WWOX: variants seen among roughly 807,000 people sequenced by gnomAD.
The protein encoded by WWOX is WW domain containing oxidoreductase, also known as WW domain-containing oxidoreductase.
Under a neutral mutation model 46.2 loss-of-function variants are expected in WWOX, and 69 were observed. The ratio of observed to expected loss-of-function variants is 1.49; its 90% CI spans 1.23 to 1.82. The LOEUF (loss-of-function observed/expected upper bound fraction) is 1.82. Ranked by LOEUF, WWOX falls within the 40% of genes most tolerant of loss-of-function variation. WWOX has a pLI of 0.00. For missense variants in WWOX, 919 were observed against 542.6 expected (o/e 1.69, Z -6.89); for synonymous variants, 359 against 202.6 (o/e 1.77, Z -6.56).
intron 8 of WWOX, among the ~76,000 whole-genome samples, chr16:78,613,782 C>G (rs549255050): frequency 3.5e-4 from 53 of 152,268 alleles, no homozygotes; most frequent in African/African-American, 1.3e-3. Flanking sequence ...TTATCAGAAA[C>G]TTTGGGGGCC....
intron 5 of WWOX, among the ~76,000 whole-genome samples, chr16:78,206,469 C>G (rs1346028111): frequency 6.6e-6 from 1 of 151,970 alleles, no homozygotes; most frequent in African/African-American, 2.4e-5. Context: ...TGGTCTTTAC[C>G]TTCAAAAGAC....
intron 8 of WWOX, among the ~76,000 whole-genome samples, chr16:79,067,822 G>C (rs1017422789): frequency 6.6e-6 from 1 of 152,172 alleles, no homozygotes; most frequent in Non-Finnish European, 1.5e-5. Context: ...GCTGCTGACA[G>C]TGTTGCGAGT....
Position 79,084,977 on chromosome 16 carries a change from G to A in WWOX, c.1057-126631G>A, listed in dbSNP as rs138637503. Reference sequence around the variant, plus strand: ...ACAGTTGTCTGTCTCCCAGGCTGGAGTGCAGTGGCACAATTATAGCTCACC... The same window carrying A: ...ACAGTTGTCTGTCTCCCAGGCTGGAATGCAGTGGCACAATTATAGCTCACC... On this transcript the variant is annotated intron_variant, in intron 8 of 8. Transcript: ENST00000566780. Among the ~76,000 whole-genome samples the A allele has an allele frequency of 3.4e-3, 509 of 151,824 alleles. 1 individual carries two copies. Among genetic ancestry groups the A allele is most frequent in the African/African-American group, 0.012 (487 of 41,374 alleles).
chr16:78,378,255 A>T (rs1274116615), intron 5 of WWOX, among the ~76,000 whole-genome samples: 2 of 152,216 alleles, frequency 1.3e-5, no homozygotes, highest in Admixed American at 6.5e-5. Flanking sequence ...GTGTCAAGTC[A>T]GTGAAGAGAC....
chr16:78,739,146 T>A (rs943602601), intron 8 of WWOX, among the ~76,000 whole-genome samples: 1 of 152,126 alleles, frequency 6.6e-6, no homozygotes, highest in Non-Finnish European at 1.5e-5. Flanking sequence ...TCTGAGTGAC[T>A]TCTGAGTTCC....
chr16:78,387,528 C>T (rs370010067), intron 6 of WWOX, among the ~76,000 whole-genome samples: 1 of 151,932 alleles, frequency 6.6e-6, no homozygotes, highest in Non-Finnish European at 1.5e-5. Context: ...TTGATCCTAT[C>T]ATATGCTAGC....
At chr16:78,540,016 T>TCACA (rs748514681) in intron 8 of WWOX, among the ~76,000 whole-genome samples, 1,324 of 120,718 alleles carry the variant, frequency 0.011, 17 homozygotes, top group African/African-American at 0.033. Flanking sequence ...TCTCTCTCTC[T>TCACA]CTCTCACACA....
intron 8 of WWOX, among the ~76,000 whole-genome samples, chr16:78,892,966 G>A (rs1037758376): frequency 6.6e-6 from 1 of 152,196 alleles, no homozygotes; most frequent in African/African-American, 2.4e-5. Flanking sequence ...TAGCTTAACA[G>A]TAATGCCTTG....
At chr16:79,114,854 C>T (rs921232082) in intron 8 of WWOX, among the ~76,000 whole-genome samples, 1 of 152,164 alleles carries the variant, frequency 6.6e-6, no homozygotes, top group African/African-American at 2.4e-5. Context: ...CCTGCTGCTG[C>T]CTTTAATGGG....
At chr16:79,025,998 G>A (rs908602182) in intron 8 of WWOX, among the ~76,000 whole-genome samples, 3 of 150,226 alleles carry the variant, frequency 2.0e-5, no homozygotes, top group Non-Finnish European at 4.4e-5. Context: ...ATGGGTTTTA[G>A]CCATGTTGTG....
chr16:78,396,277 A>G (rs2082284269), intron 6 of WWOX, among the ~76,000 whole-genome samples: 1 of 152,188 alleles, frequency 6.6e-6, no homozygotes, highest in Admixed American at 6.5e-5. Flanking sequence ...TACATCAATT[A>G]GGGGTCACTT....
chr16:78,350,308 A>T (rs2081161712), intron 5 of WWOX, among the ~76,000 whole-genome samples: 1 of 121,692 alleles, frequency 8.2e-6, no homozygotes, highest in South Asian at 2.5e-4. Context: ...CAGATACATA[A>T]ACTTTGCCCA....
At chr16:78,618,117 C>T (rs1443970828) in intron 8 of WWOX, among the ~76,000 whole-genome samples, 2 of 152,180 alleles carry the variant, frequency 1.3e-5, no homozygotes, top group African/African-American at 2.4e-5. Flanking sequence ...CTCTGAGAGA[C>T]GCAAGGCTTG....
At chr16:78,942,479 A>G (rs931286129) in intron 8 of WWOX, among the ~76,000 whole-genome samples, 37 of 152,188 alleles carry the variant, frequency 2.4e-4, no homozygotes, top group African/African-American at 8.7e-4. Context: ...AATCATAAGA[A>G]GAAGACAGAA....
chr16:79,045,563 G>C (rs114633068), intron 8 of WWOX, among the ~76,000 whole-genome samples: 1,688 of 152,178 alleles, frequency 0.011, 41 homozygotes, highest in African/African-American at 0.039. Flanking sequence ...ATAGAACACG[G>C]AGGCAGAATT....
At chr16:78,948,256 C>G (rs992815053) in intron 8 of WWOX, among the ~76,000 whole-genome samples, 1 of 152,174 alleles carries the variant, frequency 6.6e-6, no homozygotes, top group Non-Finnish European at 1.5e-5. Flanking sequence ...AGTGGCACCA[C>G]TAGCTATTAT....
At chr16:78,517,958 T>C (rs551967847) in intron 8 of WWOX, among the ~76,000 whole-genome samples, 4 of 150,768 alleles carry the variant, frequency 2.7e-5, no homozygotes, top group African/African-American at 4.9e-5. Context: ...GTGGCAGATA[T>C]GTGTGGACCA....
intron 5 of WWOX, among the ~76,000 whole-genome samples, chr16:78,330,619 T>C (rs1597492045): frequency 6.6e-6 from 1 of 152,308 alleles, no homozygotes. Context: ...ATGCTCTCGA[T>C]CTTTTGACCT....
chr16:78,377,028 G>A (rs1041250116), intron 5 of WWOX, among the ~76,000 whole-genome samples: 1 of 152,326 alleles, frequency 6.6e-6, no homozygotes, highest in Non-Finnish European at 1.5e-5. Flanking sequence ...GGAGCTACAC[G>A]TCTTTCTGAA....
Sources: gnomAD v4.1 joint callset for allele counts (sites outside exome capture counted in the v4.1 genomes callset) on GRCh38, gnomAD v4.1.1 for gene constraint, MANE v1.5 for transcripts, NCBI Gene and HGNC (gene_info 2026-07-23, HGNC 2026-07-21) for gene names.